The following CCL16 variants were observed in gnomAD, a reference collection of about 807,000 sequenced individuals.
CCL16 encodes the protein C-C motif chemokine 16.
A neutral mutation model predicts 7.5 loss-of-function variants in CCL16; 6 were observed. That is an observed-to-expected ratio of 0.80 (90% CI 0.44 to 1.57). The LOEUF (loss-of-function observed/expected upper bound fraction) is 1.57. CCL16 is among the 40% of genes most tolerant of loss of function. The pLI, the probability that CCL16 is intolerant of heterozygous loss-of-function variation, is 0.01. For synonymous variants in CCL16, 60 were observed against 57.7 expected (o/e 1.04, Z -0.18); for missense variants, 134 against 142.9 (o/e 0.94, Z 0.32).
intron 1 of CCL16, chr17:35,980,363 A>G (rs1417575623): frequency 1.3e-5 from 2 of 152,872 alleles, no homozygotes; most frequent in South Asian, 4.1e-4. Flanking sequence ...TCTACTAAAA[A>G]TACAAAAATT....
chr17:35,976,780 A>G lies in CCL16; in HGVS notation c.*786T>C, dbSNP rs1301620115. 1.3e-5 allele frequency: 2 copies of G among 152,044 alleles called. No individual in the cohort carries two copies. The highest frequency in any genetic ancestry group is 4.8e-5 in the African/African-American group (2 of 41,390). 9.4% of individuals were successfully genotyped at this position (152,044 alleles called of 1,614,324 possible). On this transcript the variant is annotated 3_prime_UTR_variant, in exon 3 of 3. Coordinates refer to ENST00000611905, the MANE Select transcript of CCL16 (RefSeq NM_004590.4). Reference sequence around the variant, plus strand: ...GTGAATATTCCCATCCGGACTTCCTATGAAAAAGTTGCATTATAAAATGAA... The same window carrying G: ...GTGAATATTCCCATCCGGACTTCCTGTGAAAAAGTTGCATTATAAAATGAA...
rs370263354 is a variant in CCL16 at position 35,981,429 on chromosome 17, C to T, written c.-9G>A. On this transcript the variant is annotated 5_prime_UTR_variant, in exon 1 of 3. Transcript: ENST00000611905. ...GCCTCGGAGACCTTCATCCTCTCAG[C>T]GAGGCAGTACAGCTTCAGGGAGAGC... The T allele has an allele frequency of 4.5e-5, 72 of 1,602,196 alleles. 1 individual carries two copies. The highest frequency in any genetic ancestry group is 3.4e-4 in the South Asian group (30 of 89,366).
rs79254649 is a variant in CCL16, at chr17:35,977,569, C to T, written c.360G>A (p.Gln120=). 163 of 1,612,380 alleles carry T rather than the reference C, an allele frequency of 1.0e-4. No individual in the cohort carries two copies. The African/African-American group carries it at 1.9e-3, about 19-fold the overall frequency. Reference sequence around the variant, plus strand: ...GGCTTCCACTAAAGCCTGGTCATCACTGGGAGTTGAGGAGCTGGGGTTGAC... The same window carrying T: ...GGCTTCCACTAAAGCCTGGTCATCATTGGGAGTTGAGGAGCTGGGGTTGAC... ...KNGQPQLLNS[Q] is the part of the protein sequence containing the mutation. The change falls in exon 3 of 3, where the codon CAG becomes CAA. Residue 120 remains glutamine (Q), a synonymous_variant. Transcript: ENST00000611905.
At chr17:35,977,820 CT>C in intron 2 of CCL16, 89 bp from the exon 3 acceptor site, 1 of 1,433,990 alleles carries the variant, frequency 7.0e-7, no homozygotes, top group Non-Finnish European at 9.5e-7. Context: ...TGGAGCTCAC[CT>C]TATGTTCTTT....
chr17:35,978,099 C>A (rs552180846), intron 2 of CCL16, 44 bp downstream of exon 2: 2 of 1,613,334 alleles, frequency 1.2e-6, no homozygotes, highest in East Asian at 2.2e-5. Context: ...TGCCCCTGGG[C>A]TCCCTGTCCC....
chr17:35,977,774 C>G, intron 2 of CCL16, 43 bp from the exon 3 acceptor site: 1 of 1,596,482 alleles, frequency 6.3e-7, no homozygotes, highest in Non-Finnish European at 8.5e-7. Flanking sequence ...CAGACTCGGG[C>G]AGGAGTCCGG....
intron 1 of CCL16, among the ~76,000 whole-genome samples, chr17:35,979,160 G>A (rs1330241557): frequency 6.6e-6 from 1 of 152,004 alleles, no homozygotes; most frequent in Non-Finnish European, 1.5e-5. Context: ...GACACACAAA[G>A]GACTTGTAGA....
chr17:35,977,521 T>TACC lies in CCL16; in HGVS notation c.*42_*44dup. 12 of 1,581,728 alleles carry TACC rather than the reference T, an allele frequency of 7.6e-6. No individual in the cohort carries two copies. Among genetic ancestry groups the TACC allele is most frequent in the Non-Finnish European group, 1.0e-5 (12 of 1,158,080 alleles). On this transcript the variant is annotated 3_prime_UTR_variant, in exon 3 of 3. Transcript: ENST00000611905. Reference sequence around the variant, plus strand: ...AAGGCTTCCCCTGTTTTCATAGGTTTACCCCTCTCTTCTGTAAACAAGGGC... The same window carrying TACC: ...AAGGCTTCCCCTGTTTTCATAGGTTTACCACCCCTCTCTTCTGTAAACAAGGGC...
Position 35,978,132 on chromosome 17 carries a change from G to T in CCL16, c.197+11C>A. 6.2e-7 allele frequency: 1 copy of T among 1,614,100 alleles called. No individual in the cohort carries two copies. On this transcript the variant is annotated intron_variant, in intron 2 of 2. Coordinates refer to ENST00000611905, the MANE Select transcript of CCL16 (RefSeq NM_004590.4). ...CCCTCTCCACAGAAATATCTAAAAG[G>T]ACGTGCTTACATGATTGCTGGCAGG...
Sources: gnomAD v4.1 joint callset for allele counts (sites outside exome capture counted in the v4.1 genomes callset) on GRCh38, gnomAD v4.1.1 for gene constraint, MANE v1.5 for transcripts, NCBI Gene and HGNC (gene_info 2026-07-23, HGNC 2026-07-21) for gene names.